The following TSPAN9 variants were observed in gnomAD, a reference collection of about 807,000 sequenced individuals.
TSPAN9 encodes the protein tetraspanin-9.
A neutral mutation model predicts 31.0 loss-of-function variants in TSPAN9; 16 were observed. The ratio of observed to expected loss-of-function variants is 0.52; its 90% CI spans 0.35 to 0.78. TSPAN9 has a LOEUF of 0.78. Among genes scored for constraint, TSPAN9 ranks in the 30% least tolerant of loss-of-function variants. The pLI, the probability that TSPAN9 is intolerant of heterozygous loss-of-function variation, is 0.01. For missense variants in TSPAN9, 272 were observed against 312.5 expected (o/e 0.87, Z 0.98); for synonymous variants, 145 against 121.6 (o/e 1.19, Z -1.27).
chr12:3,248,215 G>A (rs945202060), intron 3 of TSPAN9, among the ~76,000 whole-genome samples: 2 of 152,128 alleles, frequency 1.3e-5, no homozygotes, highest in Non-Finnish European at 2.9e-5. Context: ...TTCCTTCAAG[G>A]TGCTGTGGCC....
At chr12:3,175,853 G>A (rs1457060753) in intron 2 of TSPAN9, among the ~76,000 whole-genome samples, 1 of 152,178 alleles carries the variant, frequency 6.6e-6, no homozygotes, top group Non-Finnish European at 1.5e-5. Flanking sequence ...CAAACAGGGA[G>A]GTGGCTCTGG....
intron 3 of TSPAN9, among the ~76,000 whole-genome samples, chr12:3,256,468 T>G (rs975665627): frequency 1.2e-4 from 18 of 152,200 alleles, no homozygotes; most frequent in Non-Finnish European, 2.5e-4. Flanking sequence ...AGGTGTCTGG[T>G]TCCCCCCAGA....
In TSPAN9 at chr12:3,095,493, C is replaced by T. The variant is rs1475785199; in HGVS notation, c.-18+11774C>T. Among the ~76,000 whole-genome samples, 18 of 79,370 alleles carry T rather than the reference C, an allele frequency of 2.3e-4. No homozygotes were observed. The East Asian group carries it at 4.5e-3, about 20-fold the overall frequency. The allele number at this position is 79,370 out of a possible 152,430, so 52.1% of individuals were successfully genotyped here. ...CTCCCGGACGGGGCGGCTGGCCGGG[C>T]GGGGGACTGACCCCCCCCCACCTCC... On this transcript the variant is annotated intron_variant, in intron 2 of 8. Transcript: ENST00000011898.
chr12:3,087,358 A>T (rs2098301076), intron 2 of TSPAN9, among the ~76,000 whole-genome samples: 1 of 152,162 alleles, frequency 6.6e-6, no homozygotes, highest in Admixed American at 6.5e-5. Flanking sequence ...ATAGAAAAAA[A>T]AATTAGTCAG....
At chr12:3,135,379 C>T (rs1260927481) in intron 2 of TSPAN9, among the ~76,000 whole-genome samples, 1 of 152,136 alleles carries the variant, frequency 6.6e-6, no homozygotes, top group Non-Finnish European at 1.5e-5. Context: ...AGCCACTGTG[C>T]CCGGCCACCA....
chr12:3,218,381 A>G (rs1052882428), intron 3 of TSPAN9, among the ~76,000 whole-genome samples: 2 of 152,164 alleles, frequency 1.3e-5, no homozygotes, highest in African/African-American at 4.8e-5. Flanking sequence ...TGCATGTTTA[A>G]ACTAGATTTG....
intron 3 of TSPAN9, among the ~76,000 whole-genome samples, chr12:3,262,680 C>T (rs1862472521): frequency 2.0e-5 from 3 of 151,820 alleles, no homozygotes; most frequent in South Asian, 2.1e-4. Flanking sequence ...ACTTAAGAGC[C>T]TCCCCCAGCC....
intron 3 of TSPAN9, among the ~76,000 whole-genome samples, chr12:3,214,750 G>C (rs182389255): frequency 6.6e-6 from 1 of 152,222 alleles, no homozygotes; most frequent in South Asian, 2.1e-4. Flanking sequence ...CCCTGGCTAC[G>C]CTGGGGAGAA....
intron 3 of TSPAN9, among the ~76,000 whole-genome samples, chr12:3,261,501 C>T (rs1862448341): frequency 6.6e-6 from 1 of 152,118 alleles, no homozygotes; most frequent in South Asian, 2.1e-4. Flanking sequence ...AGCTGTGACT[C>T]CCGGCTGGAA....
intron 2 of TSPAN9, among the ~76,000 whole-genome samples, chr12:3,177,158 G>C (rs2098356165): frequency 6.6e-6 from 1 of 152,032 alleles, no homozygotes; most frequent in Non-Finnish European, 1.5e-5. Context: ...GTTTTTTTGA[G>C]ATAGAGTCTC....
chr12:3,114,906 T>A lies in TSPAN9; in HGVS notation c.-18+31187T>A, dbSNP rs531732738. Among the ~76,000 whole-genome samples, 11 of 152,044 alleles carry A rather than the reference T, an allele frequency of 7.2e-5. No homozygotes were observed. In the South Asian group the frequency reaches 2.3e-3, roughly 32 times the overall value. ...ACATTAAGGAAGAAGGCCAACAGGT[T>A]TGTTTTATTGAGATGTTACTCACAT... is the stretch of plus-strand genomic sequence containing the variant. On this transcript the variant is annotated intron_variant, in intron 2 of 8. Transcript: ENST00000011898.
At chr12:3,259,288 G>A (rs139731181) in intron 3 of TSPAN9, among the ~76,000 whole-genome samples, 10 of 152,226 alleles carry the variant, frequency 6.6e-5, no homozygotes, top group East Asian at 3.9e-4. Flanking sequence ...TCTCTTTGCC[G>A]TAACTCAGTA....
chr12:3,140,985 C>T (rs924500877), intron 2 of TSPAN9, among the ~76,000 whole-genome samples: 1 of 146,786 alleles, frequency 6.8e-6, no homozygotes, highest in Admixed American at 6.9e-5. Context: ...TGGGGAAGGG[C>T]TGTGGGAAGT....
chr12:3,202,437 G>T (rs970446683), intron 3 of TSPAN9, among the ~76,000 whole-genome samples: 1 of 152,232 alleles, frequency 6.6e-6, no homozygotes, highest in African/African-American at 2.4e-5. Context: ...TTTAGGGTGG[G>T]GGTGTGTGTG....
chr12:3,105,242 G>A (rs779612115), intron 2 of TSPAN9, among the ~76,000 whole-genome samples: 5 of 152,162 alleles, frequency 3.3e-5, no homozygotes, highest in East Asian at 1.9e-4. Flanking sequence ...GGAGGAGTGC[G>A]GCAGATGTGC....
rs146903426 is a variant in TSPAN9, at chr12:3,135,335, C to G, written c.-18+51616C>G. ...TCCTGGCATCAAGTGATCCTCCTGTCTTGGCCTCCCAAAGTGCTGGGATTA... is the reference window on the plus strand; with the variant it reads ...TCCTGGCATCAAGTGATCCTCCTGTGTTGGCCTCCCAAAGTGCTGGGATTA... On this transcript the variant is annotated intron_variant, in intron 2 of 8. Coordinates refer to ENST00000011898, the MANE Select transcript of TSPAN9 (RefSeq NM_006675.5). Among the ~76,000 whole-genome samples, 166 of 152,282 alleles carry G rather than the reference C, an allele frequency of 1.1e-3. 1 individual carries two copies. Among genetic ancestry groups the G allele is most frequent in the South Asian group, 6.0e-3 (29 of 4,826 alleles).
intron 2 of TSPAN9, among the ~76,000 whole-genome samples, chr12:3,183,594 T>C (rs1180240769): frequency 6.6e-6 from 1 of 152,038 alleles, no homozygotes; most frequent in Non-Finnish European, 1.5e-5. Flanking sequence ...CAGTTCAGAA[T>C]CCCCCACAGA....
intron 3 of TSPAN9, among the ~76,000 whole-genome samples, chr12:3,217,701 TCCCTTCAC>T (rs564542226): frequency 1.5e-3 from 224 of 152,262 alleles, no homozygotes; most frequent in African/African-American, 4.7e-3. Context: ...GCTGCCTGCA[TCCCTTCAC>T]CCCTTCACCC....
intron 2 of TSPAN9, among the ~76,000 whole-genome samples, chr12:3,178,880 T>A (rs1035666699): frequency 6.6e-6 from 1 of 152,206 alleles, no homozygotes; most frequent in South Asian, 2.1e-4. Flanking sequence ...CTGTGGGGGA[T>A]CTGATGGACA....
Sources: gnomAD v4.1 joint callset for allele counts (sites outside exome capture counted in the v4.1 genomes callset) on GRCh38, gnomAD v4.1.1 for gene constraint, MANE v1.5 for transcripts, NCBI Gene and HGNC (gene_info 2026-07-23, HGNC 2026-07-21) for gene names.